Variants in NFIB observed in about 807,000 individuals in gnomAD.
NFIB encodes the protein nuclear factor 1 B-type.
A neutral mutation model predicts 61.5 loss-of-function variants in NFIB; 11 were observed. That is an observed-to-expected ratio of 0.18 (90% confidence interval 0.11 to 0.30). NFIB has a LOEUF of 0.30. Ranked by LOEUF, NFIB falls within the 10% of genes least tolerant of loss-of-function variation. The pLI is 1.00. For missense variants in NFIB, 471 were observed against 608.9 expected (o/e 0.77, Z 2.38); for synonymous variants, 260 against 216.5 (o/e 1.20, Z -1.76).
the NFIB span, among the ~76,000 whole-genome samples, chr9:14,437,119 T>C: frequency 6.6e-6 from 1 of 152,218 alleles, no homozygotes; most frequent in Admixed American, 6.5e-5. Context: ...TGTCTCTATT[T>C]CCTCATCAGA....
At chr9:14,401,425 T>A (rs925246392), upstream of NFIB, among the ~76,000 whole-genome samples, 14 of 152,162 alleles carry the variant, frequency 9.2e-5, no homozygotes, top group Non-Finnish European at 2.1e-4. Context: ...GTACTATCCA[T>A]CATTGGGAAA....
At position 14,218,245 on chromosome 9, in the gene NFIB, T is replaced by G. The variant is rs557568821; in HGVS notation, c.563-38465A>C. Reference sequence around the variant, plus strand: ...ACATTATCACCATATTGAAGCCAAATAGAAAATAAAATGATTTTTTTTAAG... The same window carrying G: ...ACATTATCACCATATTGAAGCCAAAGAGAAAATAAAATGATTTTTTTTAAG... On this transcript the variant is annotated intron_variant, in intron 2 of 10. Coordinates refer to ENST00000380953, the MANE Select transcript of NFIB (RefSeq NM_001190737.2). Among the ~76,000 whole-genome samples, 9 of 152,290 alleles carry G rather than the reference T, an allele frequency of 5.9e-5. No homozygotes were observed. In the South Asian group the frequency reaches 1.9e-3, roughly 32 times the overall value.
At chr9:14,482,838 G>T in the NFIB span, among the ~76,000 whole-genome samples, 39 of 152,248 alleles carry the variant, frequency 2.6e-4, no homozygotes, top group Non-Finnish European at 4.9e-4. Flanking sequence ...TATTTAAACA[G>T]TTTAAAAACA....
At chr9:14,315,514 G>GGCGGGGCCGCGGC, upstream of NFIB, among the ~76,000 whole-genome samples, 1 of 144,620 alleles carries the variant, frequency 6.9e-6, no homozygotes, top group Admixed American at 6.8e-5. Context: ...GTGCAGGCGG[G>GGCGGGGCCGCGGC]GCGGGGCCGC....
At chr9:14,204,777 G>C in intron 2 of NFIB, 1 of 525,286 alleles carries the variant, frequency 1.9e-6, no homozygotes, top group Non-Finnish European at 3.4e-6. Flanking sequence ...CGTAAAATGG[G>C]GGTCCCTTAC....
chr9:14,205,161 A>G (rs1272412345), intron 2 of NFIB: 1 of 105,352 alleles, frequency 9.5e-6, no homozygotes, highest in African/African-American at 3.5e-5. Context: ...TCAGATACAT[A>G]GTCTCTGTGA....
the NFIB span, among the ~76,000 whole-genome samples, chr9:14,515,423 G>A: frequency 6.6e-6 from 1 of 152,108 alleles, no homozygotes; most frequent in African/African-American, 2.4e-5. Context: ...GGGAAATTGG[G>A]GTTTAGAGCC....
At chr9:14,398,671 C>T (rs1349672629) in exon 1 of NFIB, 5 of 1,405,126 alleles carry the variant, frequency 3.6e-6, no homozygotes, top group East Asian at 5.0e-5. Flanking sequence ...GTAGGCTCTG[C>T]TTCTGCCATT....
Position 14,162,175 on chromosome 9 carries a change from AT to A in NFIB, c.617-6283del, listed in dbSNP as rs573718906. On this transcript the variant is annotated intron_variant, in intron 3 of 10. Transcript: ENST00000380953. ...AAAATAGAAATTGTGCTAGCAGGAA[AT>A]TTTTTTCCTAATATCAATGAGATTG... 7.4e-4 allele frequency among the ~76,000 whole-genome samples: 113 copies of A among 152,174 alleles called. No homozygotes were observed. The East Asian group carries it at 0.012, about 16-fold the overall frequency.
chr9:14,285,061 AT>A (rs1453798188), intron 2 of NFIB, among the ~76,000 whole-genome samples: 4 of 152,260 alleles, frequency 2.6e-5, no homozygotes, highest in Non-Finnish European at 5.9e-5. Flanking sequence ...AAGATTTTGT[AT>A]ATCAAAATTA....
the NFIB span, among the ~76,000 whole-genome samples, chr9:14,504,382 G>A: frequency 1.1e-4 from 16 of 152,270 alleles, no homozygotes; most frequent in Non-Finnish European, 2.1e-4. Context: ...GTGGTGCTTT[G>A]ATGGGAATTG....
intron 3 of NFIB, among the ~76,000 whole-genome samples, chr9:14,160,465 T>G (rs756766704): frequency 6.6e-6 from 1 of 152,096 alleles, no homozygotes; most frequent in Non-Finnish European, 1.5e-5. Context: ...AAAGCAGTTA[T>G]TAAATTCATG....
intron 4 of NFIB, among the ~76,000 whole-genome samples, chr9:14,155,601 G>T (rs1446458715): frequency 1.3e-5 from 2 of 152,076 alleles, no homozygotes; most frequent in East Asian, 1.9e-4. Flanking sequence ...ATGGCAATCA[G>T]AAAAACCCCA....
At position 14,125,576 on chromosome 9, in the gene NFIB, G is replaced by C. The variant is rs1314503629; in HGVS notation, c.1060+56C>G. 1.9e-6 allele frequency: 3 copies of C among 1,603,654 alleles called. No individual in the cohort carries two copies. The South Asian group carries it at 3.4e-5, about 18-fold the overall frequency. ...ATAAACTTTTGCTCCGTCCCTAAGG[G>C]GGTTAGGCCCTACAGACAAGAAGGA... On this transcript the variant is annotated intron_variant, in intron 7 of 10. Transcript: ENST00000380953.
At chr9:14,433,507 G>GA in the NFIB span, among the ~76,000 whole-genome samples, 1 of 152,184 alleles carries the variant, frequency 6.6e-6, no homozygotes, top group South Asian at 2.1e-4. Context: ...CTGTCATCCT[G>GA]AAAAAACCCT....
At chr9:14,405,183 A>G in the NFIB span, among the ~76,000 whole-genome samples, 1 of 152,194 alleles carries the variant, frequency 6.6e-6, no homozygotes, top group Non-Finnish European at 1.5e-5. Flanking sequence ...TGCCCAGTCT[A>G]ACCTTGAAGT....
At chr9:14,390,886 T>A (rs938967104) in intron 1 of NFIB, among the ~76,000 whole-genome samples, 1 of 152,190 alleles carries the variant, frequency 6.6e-6, no homozygotes, top group Non-Finnish European at 1.5e-5. Context: ...GTCTATGGTA[T>A]TCTATTACAG....
Position 14,084,008 on chromosome 9 carries a change from C to G in NFIB, c.*4301G>C, listed in dbSNP as rs1454823677. On this transcript the variant is annotated 3_prime_UTR_variant, in exon 11 of 11. Coordinates refer to ENST00000380953, the MANE Select transcript of NFIB (RefSeq NM_001190737.2). ...CATTCTGAAATGCTCTGGAAACCAA[C>G]TTTTCCAATACTAAATACAACAAAA... The G allele has an allele frequency of 4.6e-6, 1 of 217,048 alleles. No homozygotes were observed. Among genetic ancestry groups the G allele is most frequent in the Non-Finnish European group, 9.3e-6 (1 of 107,744 alleles). 13.4% of individuals were successfully genotyped at this position (217,048 alleles called of 1,614,324 possible).
intron 2 of NFIB, among the ~76,000 whole-genome samples, chr9:14,182,708 C>CTCTCTCTG (rs778914837): frequency 0.028 from 2,700 of 96,942 alleles, 94 homozygotes; most frequent in Non-Finnish European, 0.038. Flanking sequence ...CTCTCTCTCT[C>CTCTCTCTG]TGTGTGTGTG....
Sources: allele counts gnomAD v4.1 joint callset (sites outside exome capture counted in the v4.1 genomes callset), GRCh38; gene constraint gnomAD v4.1.1; transcripts MANE v1.5; gene names NCBI Gene and HGNC (gene_info 2026-07-23, HGNC 2026-07-21).